The following HIVEP3 variants were observed in gnomAD, a reference collection of about 807,000 sequenced individuals.
HIVEP3 encodes transcription factor HIVEP3.
HIVEP3 carries 49 observed loss-of-function variants against 152.8 expected under a neutral mutation model. The ratio of observed to expected loss-of-function variants is 0.32; its 90% CI spans 0.26 to 0.41. The LOEUF (loss-of-function observed/expected upper bound fraction) is 0.41. Among genes scored for constraint, HIVEP3 ranks in the 10% least tolerant of loss-of-function variants. The pLI, the probability that HIVEP3 is intolerant of heterozygous loss-of-function variation, is 1.00. For missense variants in HIVEP3, 2,790 were observed against 3,103.3 expected, an observed-to-expected ratio of 0.90 and a Z score of 2.40; for synonymous variants, 1,269 against 1,289.0, an observed-to-expected ratio of 0.98 and a Z score of 0.33.
chr1:41,581,614 C>A lies in HIVEP3; in HGVS notation c.3184G>T (p.Ala1062Ser). ...SRPPESELEV[A>S]PKGRQESEEP... Reference sequence around the variant, plus strand: ...TCGCTCTCCTGTCTTCCCTTGGGGGCAACCTCCAACTCAGATTCTGGAGGC... The same window carrying A: ...TCGCTCTCCTGTCTTCCCTTGGGGGAAACCTCCAACTCAGATTCTGGAGGC... The change falls in exon 4 of 9, where the codon GCC becomes TCC. Residue 1062 changes from alanine (A) to serine (S), a missense_variant. Around this residue, in one of 9 missense-constraint regions of HIVEP3, gnomAD observed 1,078 missense variants for 1,165.3 expected, o/e 0.93. Coordinates refer to ENST00000372583, the MANE Select transcript of HIVEP3 (RefSeq NM_024503.5). This position sits in a 1 kb window ranked among gnomAD's most constrained non-coding sequence, Gnocchi z 4.5. 1 of 1,614,144 alleles carries A rather than the reference C, an allele frequency of 6.2e-7. No homozygotes were observed. Among genetic ancestry groups the A allele is most frequent in the Non-Finnish European group, 8.5e-7 (1 of 1,180,010 alleles).
rs770568779 is a variant in HIVEP3 at position 41,580,468 on chromosome 1, T to C, written c.4330A>G (p.Thr1444Ala). 3.1e-6 allele frequency: 5 copies of C among 1,614,060 alleles called. No homozygotes were observed. The highest frequency in any genetic ancestry group is 3.4e-6 in the Non-Finnish European group (4 of 1,180,048). ...TCCTTCACTCTTTTTTGCTGCTGGG[T>C]TTCCATGGTAAGTTCAAGGCTGCCA... Reference protein sequence around the residue: ...PAGSLELTMETQQQKRVKEEE... With the variant: ...PAGSLELTMEAQQQKRVKEEE... Residue 1444 changes from threonine to alanine, a missense_variant, in exon 4 of 9, where the codon ACC becomes GCC. Transcript: ENST00000372583.
At chr1:41,716,722 C>T (rs930511270) in intron 1 of HIVEP3, among the ~76,000 whole-genome samples, 10 of 152,102 alleles carry the variant, frequency 6.6e-5, no homozygotes, top group Admixed American at 1.3e-4. Context: ...GTCTGGGTCA[C>T]GGAGGGCCCT....
intron 1 of HIVEP3, among the ~76,000 whole-genome samples, chr1:42,011,327 T>C (rs996375524): frequency 2.0e-5 from 3 of 152,224 alleles, no homozygotes; most frequent in African/African-American, 7.2e-5. Context: ...TGAAAATTGA[T>C]ACACTGAGTG....
chr1:41,691,866 G>A (rs555465581), intron 2 of HIVEP3, among the ~76,000 whole-genome samples: 24 of 147,440 alleles, frequency 1.6e-4, no homozygotes, highest in African/African-American at 6.2e-4. Context: ...GTCACTTGTG[G>A]GTGTGCAGAG....
intron 1 of HIVEP3, chr1:41,848,918 G>A (rs931928274): frequency 3.3e-5 from 5 of 152,522 alleles, no homozygotes; most frequent in Non-Finnish European, 7.3e-5. Context: ...TCTTCTTGGG[G>A]CTCCAGAGTG....
At position 41,944,711 on chromosome 1, in the gene HIVEP3, C is replaced by T. The variant is rs183910797; in HGVS notation, n.120-26187G>A. ...GCTACATCAGTGAGCATCACTAATC[C>T]GATAAGCAGAGGTCCATGGGTGGTG... On this transcript the variant is annotated intron_variant and non_coding_transcript_variant, in intron 1 of 3. Coordinates refer to the HIVEP3 transcript ENST00000489103. Among the ~76,000 whole-genome samples, 400 of 152,210 alleles carry T rather than the reference C, an allele frequency of 2.6e-3. 1 individual carries two copies. Among genetic ancestry groups the T allele is most frequent in the African/African-American group, 9.2e-3 (382 of 41,516 alleles).
chr1:41,982,985 T>C (rs1339470616), intron 1 of HIVEP3, among the ~76,000 whole-genome samples: 3 of 152,258 alleles, frequency 2.0e-5, no homozygotes, highest in Non-Finnish European at 4.4e-5. Context: ...GGTTTCAGGA[T>C]GAAACTGTTC....
intron 5 of HIVEP3, among the ~76,000 whole-genome samples, chr1:41,560,287 G>A (rs1379644846): frequency 6.6e-6 from 1 of 152,168 alleles, no homozygotes; most frequent in Admixed American, 6.5e-5. Context: ...TTTGTGTGAG[G>A]CGCAGGGCCA....
In HIVEP3 at chr1:41,761,727, G is replaced by A. The variant is rs563397931; in HGVS notation, c.-800-60732C>T. Reference sequence around the variant, plus strand: ...TGCATGTATATGCATGTGTTCATGTGTGTGTTATGCCTATGTGAGTGCATG... The same window carrying A: ...TGCATGTATATGCATGTGTTCATGTATGTGTTATGCCTATGTGAGTGCATG... On this transcript the variant is annotated intron_variant, in intron 1 of 8. Coordinates refer to ENST00000372583, the MANE Select transcript of HIVEP3 (RefSeq NM_024503.5). 9.2e-5 allele frequency among the ~76,000 whole-genome samples: 14 copies of A among 152,140 alleles called. No individual in the cohort carries two copies. In the East Asian group the frequency reaches 2.7e-3, roughly 30 times the overall value.
chr1:41,648,380 A>G (rs947396758), intron 2 of HIVEP3, among the ~76,000 whole-genome samples: 1 of 152,180 alleles, frequency 6.6e-6, no homozygotes, highest in African/African-American at 2.4e-5. Context: ...ACCATCTTAC[A>G]GAGACGCAAC....
intron 1 of HIVEP3, among the ~76,000 whole-genome samples, chr1:41,893,536 CACA>C (rs60681979): frequency 0.068 from 10,275 of 151,954 alleles, 1,079 homozygotes; most frequent in African/African-American, 0.23. Context: ...GGACAGCTCT[CACA>C]ACAAGGAATC....
intron 1 of HIVEP3, among the ~76,000 whole-genome samples, chr1:41,776,564 A>C (rs1449997811): frequency 2.0e-5 from 3 of 152,214 alleles, no homozygotes; most frequent in African/African-American, 7.2e-5. Context: ...GAGGCTGCAG[A>C]CCAGCCTGTG....
At chr1:41,721,897 C>T (rs769755437) in intron 1 of HIVEP3, among the ~76,000 whole-genome samples, 4 of 152,174 alleles carry the variant, frequency 2.6e-5, no homozygotes, top group African/African-American at 4.8e-5. Context: ...CTGGGTAGCA[C>T]AGAGGCTAGT....
chr1:41,638,410 G>A (rs1253484843), intron 2 of HIVEP3, among the ~76,000 whole-genome samples: 2 of 149,996 alleles, frequency 1.3e-5, no homozygotes, highest in East Asian at 1.9e-4. Flanking sequence ...AAGAAAGGAA[G>A]GAAGTAAGGA....
intron 1 of HIVEP3, among the ~76,000 whole-genome samples, chr1:41,734,597 A>G (rs972660095): frequency 6.6e-6 from 1 of 152,120 alleles, no homozygotes; most frequent in Admixed American, 6.5e-5. Context: ...GCCATGGCGG[A>G]GGGCAGTCTG....
intron 6 of HIVEP3, among the ~76,000 whole-genome samples, chr1:41,520,455 C>A (rs901160119): frequency 2.6e-5 from 4 of 152,206 alleles, no homozygotes; most frequent in Admixed American, 1.3e-4. Context: ...CCCTATCCAA[C>A]CTTGTGGACT....
chr1:41,619,798 A>G (rs746812380), intron 3 of HIVEP3, among the ~76,000 whole-genome samples: 3 of 152,196 alleles, frequency 2.0e-5, no homozygotes, highest in Non-Finnish European at 4.4e-5. Flanking sequence ...CCTGGGCCTC[A>G]GTCCCCCAAC....
At chr1:41,601,503 G>A (rs778489449) in intron 3 of HIVEP3, among the ~76,000 whole-genome samples, 1 of 151,856 alleles carries the variant, frequency 6.6e-6, no homozygotes, top group Non-Finnish European at 1.5e-5. Flanking sequence ...ATTGTTTTAG[G>A]TGTTATTATA....
At chr1:41,894,703 A>T (rs1335697136) in intron 1 of HIVEP3, among the ~76,000 whole-genome samples, 1 of 152,206 alleles carries the variant, frequency 6.6e-6, no homozygotes, top group Non-Finnish European at 1.5e-5. Flanking sequence ...ATCGTGGCTC[A>T]ACAACAATGA....
Sources: gnomAD v4.1 joint callset for allele counts (sites outside exome capture counted in the v4.1 genomes callset) on GRCh38, gnomAD v4.1.1 for gene constraint, gnomAD v4.1.1 regional missense constraint, Gnocchi (gnomAD v3.1) non-coding constraint, MANE v1.5 for transcripts, NCBI Gene and HGNC (gene_info 2026-07-23, HGNC 2026-07-21) for gene names.